Variants in CSGALNACT1 observed in about 807,000 individuals in gnomAD.
The protein encoded by CSGALNACT1 is beta4GalNAcT-1.
CSGALNACT1 carries 52 observed loss-of-function variants against 51.0 expected under a neutral mutation model. The ratio of observed to expected loss-of-function variants is 1.02; its 90% CI spans 0.82 to 1.29. The LOEUF is 1.29. Among genes scored for constraint, CSGALNACT1 ranks in the 50% most tolerant of loss-of-function variants. CSGALNACT1 has a pLI of 0.00. For synonymous variants in CSGALNACT1, 341 were observed against 254.4 expected (o/e 1.34, Z -3.24); for missense variants, 935 against 679.2 (o/e 1.38, Z -4.19).
At chr8:19,599,529 G>GAAAAT (rs2049914762) in intron 2 of CSGALNACT1, among the ~76,000 whole-genome samples, 2 of 121,502 alleles carry the variant, frequency 1.6e-5, no homozygotes, top group African/African-American at 3.0e-5. Flanking sequence ...AGAAAGAAAA[G>GAAAAT]AAAGAAAAAG....
At chr8:19,685,714 A>G (rs191983441), upstream of CSGALNACT1, among the ~76,000 whole-genome samples, 40 of 152,312 alleles carry the variant, frequency 2.6e-4, no homozygotes, top group East Asian at 5.6e-3. Flanking sequence ...CCCTCAGTAC[A>G]GATCCTGCTT....
intron 1 of CSGALNACT1, among the ~76,000 whole-genome samples, chr8:19,664,779 T>C (rs1209283675): frequency 1.3e-5 from 2 of 152,168 alleles, no homozygotes; most frequent in East Asian, 3.9e-4. Context: ...TCAAGTGAAA[T>C]AAATCAGACA....
At chr8:19,685,694 G>A (rs984365504), upstream of CSGALNACT1, among the ~76,000 whole-genome samples, 3 of 152,118 alleles carry the variant, frequency 2.0e-5, no homozygotes, top group East Asian at 3.9e-4. Flanking sequence ...GAGATGGAAC[G>A]ATGGTCCCTC....
intron 1 of CSGALNACT1, chr8:19,682,401 C>A (rs2060684484): frequency 3.0e-6 from 1 of 338,056 alleles, no homozygotes; most frequent in Non-Finnish European, 5.9e-6. Flanking sequence ...CAAAACAGCT[C>A]CCAGCACTCC....
chr8:19,502,520 C>A (rs1318495981), intron 4 of CSGALNACT1, among the ~76,000 whole-genome samples: 42 of 152,150 alleles, frequency 2.8e-4, no homozygotes. Context: ...GAATCCCCAT[C>A]TTTGTTATAC....
chr8:19,691,472 A>C (rs2061318102), intron 1 of CSGALNACT1, among the ~76,000 whole-genome samples: 1 of 152,224 alleles, frequency 6.6e-6, no homozygotes, highest in Admixed American at 6.5e-5. Context: ...TTCTCATTAG[A>C]AAAGAACTTA....
intron 2 of CSGALNACT1, among the ~76,000 whole-genome samples, chr8:19,601,418 G>A (rs1203006133): frequency 6.6e-6 from 1 of 152,198 alleles, no homozygotes; most frequent in East Asian, 1.9e-4. Context: ...AATTTCCAAT[G>A]GGAGAACAAA....
At chr8:19,493,048 T>C (rs2074704212) in intron 4 of CSGALNACT1, among the ~76,000 whole-genome samples, 1 of 92,962 alleles carries the variant, frequency 1.1e-5, no homozygotes, top group African/African-American at 3.5e-5. Flanking sequence ...TGCCTAAAAT[T>C]CTTTTTTTGA....
At chr8:19,623,056 G>A (rs2054022383) in intron 1 of CSGALNACT1, among the ~76,000 whole-genome samples, 1 of 151,126 alleles carries the variant, frequency 6.6e-6, no homozygotes, top group Non-Finnish European at 1.5e-5. Flanking sequence ...AGAACTTAAA[G>A]TAAAGTAAAT....
chr8:19,657,866 C>A (rs1337386982), intron 1 of CSGALNACT1, among the ~76,000 whole-genome samples: 1 of 152,018 alleles, frequency 6.6e-6, no homozygotes, highest in African/African-American at 2.4e-5. Context: ...CAACAGAGCA[C>A]CTTGGGCACC....
chr8:19,573,318 T>C (rs562757761), intron 3 of CSGALNACT1, among the ~76,000 whole-genome samples: 2 of 152,358 alleles, frequency 1.3e-5, no homozygotes, highest in South Asian at 2.1e-4. Flanking sequence ...ATTCTCCCTC[T>C]GGCCCTTTAA....
chr8:19,700,610 C>A (rs2061813122), intron 1 of CSGALNACT1, among the ~76,000 whole-genome samples: 1 of 152,122 alleles, frequency 6.6e-6, no homozygotes. Context: ...TCCCTCTATC[C>A]CTGCACCTAC....
intron 4 of CSGALNACT1, among the ~76,000 whole-genome samples, chr8:19,465,873 C>T (rs1198752581): frequency 6.6e-6 from 1 of 152,106 alleles, no homozygotes; most frequent in Non-Finnish European, 1.5e-5. Flanking sequence ...GGATTTACCC[C>T]CTGGAGTCAC....
intron 3 of CSGALNACT1, among the ~76,000 whole-genome samples, chr8:19,542,709 T>G (rs913641484): frequency 1.3e-5 from 2 of 152,196 alleles, no homozygotes; most frequent in African/African-American, 4.8e-5. Context: ...TATCTAATCA[T>G]TTTTATTAAT....
At chr8:19,533,966 T>A (rs2083274200) in intron 3 of CSGALNACT1, among the ~76,000 whole-genome samples, 1 of 152,130 alleles carries the variant, frequency 6.6e-6, no homozygotes, top group South Asian at 2.1e-4. Context: ...TTGGCATGTC[T>A]CTCCCTACCT....
At chr8:19,706,057 C>T (rs942441304) in intron 1 of CSGALNACT1, among the ~76,000 whole-genome samples, 12 of 152,116 alleles carry the variant, frequency 7.9e-5, no homozygotes, top group African/African-American at 2.7e-4. Flanking sequence ...TGGAAAAATA[C>T]TAATCAGATC....
At chr8:19,593,070 T>C (rs1398446288) in intron 2 of CSGALNACT1, among the ~76,000 whole-genome samples, 1 of 152,170 alleles carries the variant, frequency 6.6e-6, no homozygotes. Context: ...TTTCAGTAAG[T>C]AAAATGTCTA....
chr8:19,606,340 G>A (rs372241884), upstream of CSGALNACT1, among the ~76,000 whole-genome samples: 239 of 152,272 alleles, frequency 1.6e-3, no homozygotes, highest in African/African-American at 4.8e-3. Context: ...TGGCACTGGA[G>A]GATAGAGCAG....
At chr8:19,588,765 T>A (rs1033309251) in intron 3 of CSGALNACT1, among the ~76,000 whole-genome samples, 3 of 152,212 alleles carry the variant, frequency 2.0e-5, no homozygotes, top group Admixed American at 2.0e-4. Flanking sequence ...ATGACATGAG[T>A]TCAAGACAGG....
Sources: gnomAD v4.1 joint callset for allele counts (sites outside exome capture counted in the v4.1 genomes callset) on GRCh38, gnomAD v4.1.1 for gene constraint, MANE v1.5 for transcripts, NCBI Gene and HGNC (gene_info 2026-07-23, HGNC 2026-07-21) for gene names.